Variants in NPAS3 observed in about 807,000 individuals in gnomAD.
The protein encoded by NPAS3 is neuronal PAS domain protein 3.
Under a neutral mutation model 73.1 loss-of-function variants are expected in NPAS3, and 14 were observed. The observed-to-expected ratio is 0.19, with a 90% CI of 0.13 to 0.30. The LOEUF (loss-of-function observed/expected upper bound fraction) is 0.30. Ranked by LOEUF, NPAS3 falls within the 10% of genes least tolerant of loss-of-function variation. The pLI, the probability that NPAS3 is intolerant of heterozygous loss-of-function variation, is 1.00. For missense variants in NPAS3, 1,096 were observed against 1,250.0 expected (o/e 0.88, Z 1.86); for synonymous variants, 620 against 541.5 (o/e 1.14, Z -2.01).
At chr14:33,071,188 TATC>T (rs1423997521) in intron 2 of NPAS3, among the ~76,000 whole-genome samples, 1 of 152,166 alleles carries the variant, frequency 6.6e-6, no homozygotes, top group Non-Finnish European at 1.5e-5. Context: ...ACAATACTAT[TATC>T]ATCATGATTA....
chr14:33,706,058 A>G (rs1039361974), intron 6 of NPAS3, among the ~76,000 whole-genome samples: 1 of 152,222 alleles, frequency 6.6e-6, no homozygotes, highest in Non-Finnish European at 1.5e-5. Flanking sequence ...TGGCCACACA[A>G]CCCTTTTCAT....
intron 2 of NPAS3, among the ~76,000 whole-genome samples, chr14:33,134,424 A>C (rs1050065437): frequency 6.6e-6 from 1 of 152,158 alleles, no homozygotes; most frequent in African/African-American, 2.4e-5. Flanking sequence ...ATTTTACATC[A>C]AAATAACACT....
intron 3 of NPAS3, among the ~76,000 whole-genome samples, chr14:33,302,308 G>A (rs575263625): frequency 1.3e-5 from 2 of 152,172 alleles, no homozygotes; most frequent in South Asian, 4.1e-4. Flanking sequence ...TCAGAGCACA[G>A]TGTTGAAAGG....
intron 7 of NPAS3, among the ~76,000 whole-genome samples, chr14:33,767,726 A>C (rs2062511239): frequency 6.6e-6 from 1 of 152,138 alleles, no homozygotes; most frequent in South Asian, 2.1e-4. Flanking sequence ...GTTAAAGAGA[A>C]CATTTTAGAT....
intron 1 of NPAS3, among the ~76,000 whole-genome samples, chr14:33,014,968 C>G (rs1391042287): frequency 1.3e-5 from 2 of 152,204 alleles, no homozygotes; most frequent in Non-Finnish European, 2.9e-5. Context: ...GTAGAGGACT[C>G]TTACTCGGTA....
chr14:33,100,116 A>G (rs1227605946), intron 2 of NPAS3, among the ~76,000 whole-genome samples: 2 of 152,192 alleles, frequency 1.3e-5, no homozygotes, highest in South Asian at 2.1e-4. Flanking sequence ...GAAAGGTCTG[A>G]TGTGGTCAGG....
At chr14:33,488,749 C>T (rs2051739289) in intron 4 of NPAS3, among the ~76,000 whole-genome samples, 1 of 152,144 alleles carries the variant, frequency 6.6e-6, no homozygotes, top group Non-Finnish European at 1.5e-5. Context: ...TGCCGTCTCG[C>T]TGGCACAGTT....
intron 4 of NPAS3, among the ~76,000 whole-genome samples, chr14:33,431,747 G>T (rs2048793005): frequency 2.6e-5 from 4 of 151,980 alleles, no homozygotes; most frequent in African/African-American, 9.7e-5. Context: ...CAATTTTGAT[G>T]ATTCTTTTTT....
chr14:33,774,384 C>G, exon 8 of NPAS3: 1 of 1,614,048 alleles, frequency 6.2e-7, no homozygotes, highest in Non-Finnish European at 8.5e-7. Context: ...CGCTGTCCCA[C>G]GGGAGGACCG....
intron 2 of NPAS3, among the ~76,000 whole-genome samples, chr14:33,119,844 G>T (rs1422259312): frequency 6.6e-6 from 1 of 152,112 alleles, no homozygotes; most frequent in Non-Finnish European, 1.5e-5. Flanking sequence ...TTCTGCTCTA[G>T]TTAGAGGGTC....
intron 4 of NPAS3, among the ~76,000 whole-genome samples, chr14:33,516,604 C>A (rs892055436): frequency 6.6e-6 from 1 of 152,150 alleles, no homozygotes; most frequent in East Asian, 1.9e-4. Flanking sequence ...ACCTCTCTGA[C>A]CCTCAGTTCC....
chr14:33,204,641 A>G lies in NPAS3; in HGVS notation c.141-10541A>G, dbSNP rs532111779. Among the ~76,000 whole-genome samples the G allele has an allele frequency of 7.2e-5, 11 of 152,190 alleles. No homozygotes were observed. The South Asian group carries it at 1.9e-3, about 26-fold the overall frequency. Reference sequence around the variant, plus strand: ...TGAATGGAATCACATTCCATCCCCAACCAGCAGCCGGCAAATGATACACTG... The same window carrying G: ...TGAATGGAATCACATTCCATCCCCAGCCAGCAGCCGGCAAATGATACACTG... On this transcript the variant is annotated intron_variant, in intron 2 of 11. Transcript: ENST00000356141.
intron 5 of NPAS3, among the ~76,000 whole-genome samples, chr14:33,560,961 G>C (rs2055617885): frequency 6.6e-6 from 1 of 152,174 alleles, no homozygotes; most frequent in Non-Finnish European, 1.5e-5. Flanking sequence ...TAATTATCCA[G>C]ATGTTTTCTC....
chr14:33,047,829 A>T (rs2040562588), intron 1 of NPAS3, among the ~76,000 whole-genome samples: 1 of 152,026 alleles, frequency 6.6e-6, no homozygotes, highest in Admixed American at 6.6e-5. Flanking sequence ...CACCTTCCTG[A>T]GTCAGTTTTC....
chr14:33,749,421 T>C (rs1330951446), intron 7 of NPAS3, among the ~76,000 whole-genome samples: 1 of 152,180 alleles, frequency 6.6e-6, no homozygotes, highest in Non-Finnish European at 1.5e-5. Context: ...AATAGCCCCA[T>C]AGGCAGTTGA....
chr14:33,522,503 A>G (rs2053600910), intron 4 of NPAS3, among the ~76,000 whole-genome samples: 1 of 152,092 alleles, frequency 6.6e-6, no homozygotes, highest in Non-Finnish European at 1.5e-5. Context: ...TAGCAAGATA[A>G]TAAAAACGCC....
chr14:33,555,397 C>G (rs1195600217), intron 4 of NPAS3, among the ~76,000 whole-genome samples: 3 of 151,648 alleles, frequency 2.0e-5, no homozygotes, highest in Non-Finnish European at 4.4e-5. Context: ...TGTAATTAAC[C>G]CTTTGACCCC....
intron 7 of NPAS3, among the ~76,000 whole-genome samples, chr14:33,764,172 C>T (rs181346176): frequency 1.2e-4 from 19 of 152,292 alleles, no homozygotes; most frequent in African/African-American, 4.1e-4. Flanking sequence ...GCTATCCTTC[C>T]GTGAGGCTGC....
At chr14:33,343,773 C>G (rs1009743847) in intron 3 of NPAS3, among the ~76,000 whole-genome samples, 3 of 152,244 alleles carry the variant, frequency 2.0e-5, no homozygotes, top group Middle Eastern at 3.4e-3. Context: ...TAAGCAATAC[C>G]GTGATGGAAT....
Sources: gnomAD v4.1 joint callset for allele counts (sites outside exome capture counted in the v4.1 genomes callset) on GRCh38, gnomAD v4.1.1 for gene constraint, MANE v1.5 for transcripts, NCBI Gene and HGNC (gene_info 2026-07-23, HGNC 2026-07-21) for gene names.